The following MOB2 variants were observed in gnomAD, a reference collection of about 807,000 sequenced individuals.
MOB2 encodes the protein MOB kinase activator 2.
In MOB2, 14 loss-of-function variants were observed where a neutral mutation model predicts 27.4. That is an observed-to-expected ratio of 0.51 (90% CI 0.34 to 0.80). MOB2 has a LOEUF of 0.80. Ranked by LOEUF, MOB2 falls within the 30% of genes least tolerant of loss-of-function variation. The probability of loss-of-function intolerance (pLI) is 0.01; values close to 1 mark genes in which losing one functional copy is unlikely to be tolerated. For missense variants in MOB2, 304 were observed against 354.6 expected (o/e 0.86, Z 1.15); for synonymous variants, 167 against 151.8 (o/e 1.10, Z -0.74).
chr11:1,481,313 C>T (rs545001035), intron 1 of MOB2: 47 of 248,332 alleles, frequency 1.9e-4, no homozygotes, highest in African/African-American at 9.6e-4. Flanking sequence ...CTGCCCCTGC[C>T]GCTGGTGGCC....
chr11:1,470,857 C>T (rs1361887171), intron 4 of MOB2, among the ~76,000 whole-genome samples: 6 of 152,246 alleles, frequency 3.9e-5, no homozygotes, highest in East Asian at 1.9e-4. Flanking sequence ...CGGGCCAGGA[C>T]GGAGGTGGCG....
intron 1 of MOB2, among the ~76,000 whole-genome samples, chr11:1,483,758 G>C (rs1314584011): frequency 6.6e-6 from 1 of 152,236 alleles, no homozygotes; most frequent in African/African-American, 2.4e-5. Flanking sequence ...CCCATGACGT[G>C]CCAGTCGGCC....
At chr11:1,482,939 G>A (rs1346486651) in intron 1 of MOB2, among the ~76,000 whole-genome samples, 1 of 152,186 alleles carries the variant, frequency 6.6e-6, no homozygotes, top group Non-Finnish European at 1.5e-5. Context: ...GAAGGCCCAG[G>A]CCTGGGCAGG....
chr11:1,486,549 C>T lies in MOB2; in HGVS notation c.8G>A (p.Gly3Glu). The change falls in exon 1 of 5, where the codon GGA becomes GAA. Residue 3 changes from glycine (G) to glutamate (E), a missense_variant. Gly to Glu is a moderately conservative substitution (Grantham distance 98). Coordinates refer to ENST00000329957, the MANE Select transcript of MOB2 (RefSeq NM_001172223.3). ...GTCTTCAGGGAGACTGCAGTGGTCT[C>T]CCAGCATGAGTGGGCGACGGGAAGG... ML[G>E]DHCSLPEDQA... is the part of the protein sequence containing the mutation. 6.5e-7 allele frequency: 1 copy of T among 1,535,334 alleles called. No individual in the cohort carries two copies. The highest frequency in any genetic ancestry group is 8.7e-7 in the Non-Finnish European group (1 of 1,146,412).
Position 1,486,601 on chromosome 11 carries a change from C to A in MOB2, c.-45G>T. 7.2e-7 allele frequency: 1 copy of A among 1,390,574 alleles called. No homozygotes were observed. The highest frequency in any genetic ancestry group is 1.4e-5 in the African/African-American group (1 of 70,302). The allele number at this position is 1,390,574 out of a possible 1,614,324, so 86.1% of individuals were successfully genotyped here. ...GGGGAGGAGAAGCGGGGCGGGGTGC[C>A]GGCTGGCCAGCACTCGCAAATGCCT... On this transcript the variant is annotated 5_prime_UTR_variant, in exon 1 of 5. Coordinates refer to ENST00000329957, the MANE Select transcript of MOB2 (RefSeq NM_001172223.3).
Position 1,470,201 on chromosome 11 carries a change from C to A in MOB2, c.778G>T (p.Gly260Ter). 6.2e-7 allele frequency: 1 copy of A among 1,609,396 alleles called. No homozygotes were observed. Among genetic ancestry groups the A allele is most frequent in the African/African-American group, 1.3e-5 (1 of 74,978 alleles). The change falls in exon 5 of 5, where the codon GGA (glycine) becomes TGA (stop). Residue 260 changes from glycine to a stop codon, truncating the protein, a stop_gained. Coordinates refer to ENST00000329957, the MANE Select transcript of MOB2 (RefSeq NM_001172223.3). LOFTEE classifies it high-confidence loss of function. ...SGDGAGSGGP[G>*]AQNHVKER ...CTCTCCTTCACGTGGTTCTGTGCTC[C>A]CGGGCCCCCGCTGCCGGCCCCATCC...
chr11:1,482,207 C>T (rs970711377), intron 1 of MOB2, among the ~76,000 whole-genome samples: 10 of 152,226 alleles, frequency 6.6e-5, no homozygotes, highest in African/African-American at 2.2e-4. Context: ...GGCTACAAGC[C>T]GTCTCCCTGC....
At chr11:1,471,443 G>A in intron 3 of MOB2, 24 bp from the exon 4 acceptor site, 1 of 1,596,460 alleles carries the variant, frequency 6.3e-7, no homozygotes, top group South Asian at 1.1e-5. Context: ...GACACGGTCA[G>A]GGCATGCGCC....
At chr11:1,476,940 T>C (rs1847858475) in intron 3 of MOB2, among the ~76,000 whole-genome samples, 1 of 152,252 alleles carries the variant, frequency 6.6e-6, no homozygotes, top group African/African-American at 2.4e-5. Context: ...GTCAGAAAAC[T>C]TACTTCGTAT....
chr11:1,486,653 C>G lies in MOB2; in HGVS notation c.-97G>C. On this transcript the variant is annotated 5_prime_UTR_variant, in exon 1 of 5. Transcript: ENST00000329957. ...CTGCCGGGCCCTCCAGCCTCACTCC[C>G]TGGCCAATGGGACGCCTGGCAGAGA... is the stretch of plus-strand genomic sequence containing the variant. 1 of 787,768 alleles carries G rather than the reference C, an allele frequency of 1.3e-6. No individual in the cohort carries two copies. The highest frequency in any genetic ancestry group is 2.1e-6 in the Non-Finnish European group (1 of 483,172). 48.8% of individuals were successfully genotyped at this position (787,768 alleles called of 1,614,324 possible).
intron 3 of MOB2, among the ~76,000 whole-genome samples, chr11:1,480,021 C>G (rs544403932): frequency 4.6e-5 from 7 of 152,364 alleles, no homozygotes; most frequent in African/African-American, 1.7e-4. Flanking sequence ...AATGGCCGAG[C>G]AAGGACCTGT....
intron 3 of MOB2, among the ~76,000 whole-genome samples, chr11:1,478,108 CAT>C (rs1440680647): frequency 3.3e-5 from 5 of 152,254 alleles, no homozygotes; most frequent in Non-Finnish European, 7.3e-5. Context: ...GGCACCCACA[CAT>C]GTGCTTCCAC....
At chr11:1,474,555 C>A (rs532915707) in intron 3 of MOB2, among the ~76,000 whole-genome samples, 1 of 152,248 alleles carries the variant, frequency 6.6e-6, no homozygotes, top group African/African-American at 2.4e-5. Context: ...CATTTTTGAA[C>A]AGACTACCCT....
intron 3 of MOB2, among the ~76,000 whole-genome samples, chr11:1,474,449 T>G (rs1306207417): frequency 6.6e-6 from 1 of 152,258 alleles, no homozygotes; most frequent in African/African-American, 2.4e-5. Context: ...TTCCTATGGT[T>G]TCTTCCAAAA....
rs373506053 is a variant in MOB2, at chr11:1,479,288, G to A, written c.365+1105C>T. ...GACACAAGGCTCTCGAGTAGCTCTCGGGTGCTGCCCTGCCACCTCAGGACC... is the reference window on the plus strand; with the variant it reads ...GACACAAGGCTCTCGAGTAGCTCTCAGGTGCTGCCCTGCCACCTCAGGACC... On this transcript the variant is annotated intron_variant, in intron 3 of 4. Coordinates refer to ENST00000329957, the MANE Select transcript of MOB2 (RefSeq NM_001172223.3). Among the ~76,000 whole-genome samples, 96 of 152,286 alleles carry A rather than the reference G, an allele frequency of 6.3e-4. 4 individuals carry two copies. The South Asian group carries it at 0.019, about 31-fold the overall frequency.
intron 3 of MOB2, among the ~76,000 whole-genome samples, chr11:1,478,239 C>G (rs887334154): frequency 6.6e-6 from 1 of 152,234 alleles, no homozygotes; most frequent in Non-Finnish European, 1.5e-5. Flanking sequence ...ACAGGCCCCA[C>G]GGCCGCCCTG....
chr11:1,478,065 G>GT (rs1024981985), intron 3 of MOB2, among the ~76,000 whole-genome samples: 45 of 152,362 alleles, frequency 3.0e-4, no homozygotes, highest in African/African-American at 9.1e-4. Flanking sequence ...TCAAAGGGCT[G>GT]TAACACGCAA....
chr11:1,472,827 C>CGGGCACAGGGCCTCCAGCATCTCT (rs1564908705), intron 3 of MOB2: 7 of 54,558 alleles, frequency 1.3e-4, no homozygotes, highest in South Asian at 3.4e-4. Flanking sequence ...CCAGTGTCTC[C>CGGGCACAGGGCCTCCAGCATCTCT]GGGCACAGGG....
intron 4 of MOB2, among the ~76,000 whole-genome samples, chr11:1,470,835 G>A (rs1360415341): frequency 6.6e-6 from 1 of 152,234 alleles, no homozygotes. Context: ...ATGGACACTT[G>A]GGGCCATCTC....
Sources: allele counts gnomAD v4.1 joint callset (sites outside exome capture counted in the v4.1 genomes callset), GRCh38; gene constraint gnomAD v4.1.1; transcripts MANE v1.5; gene names NCBI Gene and HGNC (gene_info 2026-07-23, HGNC 2026-07-21).